The following RBMS3 variants were observed in gnomAD, a reference collection of about 807,000 sequenced individuals.
The protein encoded by RBMS3 is RNA-binding motif, single-stranded-interacting protein 3.
A neutral mutation model predicts 66.8 loss-of-function variants in RBMS3; 27 were observed. That is an observed-to-expected ratio of 0.40 (90% CI 0.30 to 0.56). The LOEUF is 0.56. RBMS3 is among the 20% of genes least tolerant of loss of function. RBMS3 has a pLI of 0.40. For missense variants in RBMS3, 513 were observed against 549.5 expected, an observed-to-expected ratio of 0.93 and a Z score of 0.66; for synonymous variants, 188 against 183.0, an observed-to-expected ratio of 1.03 and a Z score of -0.22.
intron 11 of RBMS3, among the ~76,000 whole-genome samples, chr3:29,939,000 T>G (rs944056365): frequency 6.6e-6 from 1 of 152,006 alleles, no homozygotes; most frequent in Non-Finnish European, 1.5e-5. Context: ...ACCCTTCACC[T>G]CCAGTGGCTT....
At position 29,475,871 on chromosome 3, in the gene RBMS3, TA is replaced by T. The variant is rs531805482; in HGVS notation, c.249-12562del. Among the ~76,000 whole-genome samples, 305 of 151,936 alleles carry T rather than the reference TA, an allele frequency of 2.0e-3. 3 individuals are homozygous for T. Among genetic ancestry groups the T allele is most frequent in the South Asian group, 8.5e-3 (41 of 4,806 alleles). The stretch of plus-strand genomic sequence containing the variant: ...GTTAGATAAATATATTTAAGCTTAT[TA>T]AAAAAAAGAGTTGATCTGGTAAAAA... On this transcript the variant is annotated intron_variant, in intron 2 of 14. Coordinates refer to ENST00000383767, the MANE Select transcript of RBMS3 (RefSeq NM_001003793.3).
chr3:29,566,489 C>T (rs1033517936), intron 3 of RBMS3, among the ~76,000 whole-genome samples: 1 of 152,020 alleles, frequency 6.6e-6, no homozygotes, highest in Admixed American at 6.6e-5. Flanking sequence ...TGATACCTTC[C>T]CCAGTGTCTC....
Position 29,993,133 on chromosome 3 carries a change from G to A in RBMS3, c.1307+1924G>A, listed in dbSNP as rs1238245814. On this transcript the variant is annotated intron_variant, in intron 14 of 14. Coordinates refer to ENST00000383767, the MANE Select transcript of RBMS3 (RefSeq NM_001003793.3). Reference sequence around the variant, plus strand: ...TATGACTTAAACTTACAAATGTAAGGTATTATTATGATTGCCATTATTAAT... The same window carrying A: ...TATGACTTAAACTTACAAATGTAAGATATTATTATGATTGCCATTATTAAT... Among the ~76,000 whole-genome samples, 5 of 152,098 alleles carry A rather than the reference G, an allele frequency of 3.3e-5. No homozygotes were observed. In the East Asian group the frequency reaches 5.8e-4, roughly 18 times the overall value.
intron 5 of RBMS3, among the ~76,000 whole-genome samples, chr3:29,747,381 G>T (rs973280136): frequency 6.0e-5 from 8 of 132,242 alleles, no homozygotes; most frequent in South Asian, 5.0e-4. Context: ...TATCTAGGTA[G>T]GTAGGTAGGT....
intron 4 of RBMS3, among the ~76,000 whole-genome samples, chr3:29,706,669 G>C (rs2052908848): frequency 6.6e-6 from 1 of 152,120 alleles, no homozygotes; most frequent in South Asian, 2.1e-4. Flanking sequence ...AGATCTTCAG[G>C]GATAAAGCCG....
intron 1 of RBMS3, among the ~76,000 whole-genome samples, chr3:29,351,864 TA>T (rs1219878140): frequency 6.6e-6 from 1 of 152,070 alleles, no homozygotes; most frequent in Non-Finnish European, 1.5e-5. Context: ...TATTTTAGTG[TA>T]AGCGATGGAA....
chr3:29,950,457 G>A (rs1695608740), intron 12 of RBMS3, among the ~76,000 whole-genome samples: 1 of 151,844 alleles, frequency 6.6e-6, no homozygotes, highest in East Asian at 2.0e-4. Context: ...AGCACATCTG[G>A]TACTGAAATC....
intron 1 of RBMS3, among the ~76,000 whole-genome samples, chr3:29,399,406 T>A (rs2039704455): frequency 6.6e-6 from 1 of 152,200 alleles, no homozygotes; most frequent in African/African-American, 2.4e-5. Context: ...AAATACAGAT[T>A]CTTGGCTATA....
intron 4 of RBMS3, among the ~76,000 whole-genome samples, chr3:29,678,808 T>C (rs1188006867): frequency 6.6e-6 from 1 of 152,080 alleles, no homozygotes; most frequent in Non-Finnish European, 1.5e-5. Context: ...GGGGAAAGAT[T>C]CAACATATGG....
At chr3:29,635,209 C>T (rs1427926269) in intron 4 of RBMS3, among the ~76,000 whole-genome samples, 1 of 151,758 alleles carries the variant, frequency 6.6e-6, no homozygotes, top group African/African-American at 2.4e-5. Flanking sequence ...TCTCTCATTC[C>T]AGTCTTTTAG....
chr3:29,811,935 T>C (rs938674817), intron 6 of RBMS3, among the ~76,000 whole-genome samples: 4 of 152,200 alleles, frequency 2.6e-5, no homozygotes, highest in African/African-American at 9.7e-5. Flanking sequence ...TTTTTGTGAA[T>C]ATGTATGACA....
chr3:29,545,808 A>G (rs954864018), intron 3 of RBMS3, among the ~76,000 whole-genome samples: 2 of 152,222 alleles, frequency 1.3e-5, no homozygotes, highest in Non-Finnish European at 2.9e-5. Context: ...TGTTCATCCA[A>G]CATTGTAATA....
intron 6 of RBMS3, among the ~76,000 whole-genome samples, chr3:29,857,429 T>C (rs2059107680): frequency 6.6e-6 from 1 of 151,132 alleles, no homozygotes; most frequent in Non-Finnish European, 1.5e-5. Flanking sequence ...AACATGAGTT[T>C]CACTTGAAAT....
At chr3:29,420,272 G>T (rs148732541) in intron 1 of RBMS3, among the ~76,000 whole-genome samples, 2 of 152,066 alleles carry the variant, frequency 1.3e-5, no homozygotes, top group Non-Finnish European at 2.9e-5. Flanking sequence ...GGTGCCTTCC[G>T]GTCCTAGCAG....
chr3:29,333,360 A>G (rs2035772011), intron 1 of RBMS3, among the ~76,000 whole-genome samples: 1 of 152,146 alleles, frequency 6.6e-6, no homozygotes. Context: ...AGAAAGCAGT[A>G]GCACTATAAT....
intron 6 of RBMS3, among the ~76,000 whole-genome samples, chr3:29,841,927 G>A (rs1383031767): frequency 6.6e-6 from 1 of 152,056 alleles, no homozygotes; most frequent in African/African-American, 2.4e-5. Flanking sequence ...TCCCATAGGT[G>A]TAAAAGAGAA....
chr3:29,725,477 A>G (rs2053824488), intron 4 of RBMS3, among the ~76,000 whole-genome samples: 1 of 149,844 alleles, frequency 6.7e-6, no homozygotes. Flanking sequence ...TAGCTAGACT[A>G]GTAAAGAAGA....
Position 29,281,469 on chromosome 3 carries a change from C to T in RBMS3, c.-213C>T. ...GGTGTTTTTTCTACAGATCTCACTC[C>T]TCGCCCTTTTTTTTTTTCCTTTGGT... On this transcript the variant is annotated 5_prime_UTR_variant, in exon 1 of 15. Transcript: ENST00000383767. 2.1e-6 allele frequency: 1 copy of T among 475,482 alleles called. No individual in the cohort carries two copies. Among genetic ancestry groups the T allele is most frequent in the Admixed American group, 5.1e-5 (1 of 19,528 alleles). 29.5% of individuals were successfully genotyped at this position (475,482 alleles called of 1,614,324 possible).
intron 1 of RBMS3, among the ~76,000 whole-genome samples, chr3:29,322,923 G>A (rs1193143942): frequency 6.6e-6 from 1 of 152,066 alleles, no homozygotes; most frequent in African/African-American, 2.4e-5. Flanking sequence ...TTATGCTTTT[G>A]ACCTTTCTTG....
Sources: gnomAD v4.1 joint callset for allele counts (sites outside exome capture counted in the v4.1 genomes callset) on GRCh38, gnomAD v4.1.1 for gene constraint, MANE v1.5 for transcripts, NCBI Gene and HGNC (gene_info 2026-07-23, HGNC 2026-07-21) for gene names.